The following PHOX2B variants were observed in gnomAD, a reference collection of about 807,000 sequenced individuals.
The protein encoded by PHOX2B is paired mesoderm homeobox protein 2B.
PHOX2B carries 1 observed loss-of-function variant against 15.5 expected under a neutral mutation model. The ratio of observed to expected loss-of-function variants is 0.06; its 90% confidence interval spans 0.02 to 0.31. The LOEUF (loss-of-function observed/expected upper bound fraction) is 0.31, where lower values mean the gene tolerates loss of function less well. Among genes scored for constraint, PHOX2B ranks in the 10% least tolerant of loss-of-function variants. The pLI, the probability that PHOX2B is intolerant of heterozygous loss-of-function variation, is 1.00. For missense variants in PHOX2B, 314 were observed against 436.4 expected (o/e 0.72, Z 2.50); for synonymous variants, 206 against 190.5 (o/e 1.08, Z -0.67).
chr4:41,746,401 G>T, intron 2 of PHOX2B, 79 bp from the exon 3 acceptor site: 3 of 1,436,438 alleles, frequency 2.1e-6, no homozygotes, highest in Non-Finnish European at 2.9e-6. Flanking sequence ...GGTTAGGGTG[G>T]CCCAAGTTCT....
chr4:41,746,381 G>C, intron 2 of PHOX2B, 59 bp from the exon 3 acceptor site: 1 of 1,563,580 alleles, frequency 6.4e-7, no homozygotes, highest in Non-Finnish European at 8.7e-7. Context: ...AAATGGGAAA[G>C]AAAAGCACCG....
Position 41,747,442 on chromosome 4 carries a change from C to G in PHOX2B, c.336G>C (p.Glu112Asp). Reference protein sequence around the residue: ...RTTFTSAQLKELERVFAETHY... With the variant: ...RTTFTSAQLKDLERVFAETHY... ...GAGTCTCCGCGAAGACCCTTTCCAGCTCTTTGAGCTGGGCACTGGTGAAAG... is the reference window on the plus strand; with the variant it reads ...GAGTCTCCGCGAAGACCCTTTCCAGGTCTTTGAGCTGGGCACTGGTGAAAG... Residue 112 changes from glutamate to aspartate, a missense_variant, in exon 2 of 3, where the codon GAG becomes GAC. Glu to Asp is a conservative substitution (Grantham distance 45). Around this residue, in one of 7 missense-constraint regions of PHOX2B, gnomAD observed 102 missense variants for 155.1 expected, o/e 0.66. Coordinates refer to ENST00000226382, the MANE Select transcript of PHOX2B (RefSeq NM_003924.4). 6.2e-7 allele frequency: 1 copy of G among 1,611,528 alleles called. No homozygotes were observed. The highest frequency in any genetic ancestry group is 8.5e-7 in the Non-Finnish European group (1 of 1,179,862).
In PHOX2B at chr4:41,745,485, A is replaced by G; in HGVS notation, c.*322T>C. 3.0e-6 allele frequency: 1 copy of G among 332,546 alleles called. No homozygotes were observed. The highest frequency in any genetic ancestry group is 4.7e-5 in the South Asian group (1 of 21,072). The allele number at this position is 332,546 out of a possible 1,614,324, so 20.6% of individuals were successfully genotyped here. On this transcript the variant is annotated 3_prime_UTR_variant, in exon 3 of 3. Coordinates refer to ENST00000226382, the MANE Select transcript of PHOX2B (RefSeq NM_003924.4). This position sits in a 1 kb window ranked among gnomAD's most constrained non-coding sequence, Gnocchi z 4.0. ...TGACACGCAGACACAGCCCCCTGAG[A>G]GTGCCCCGCGTCCAGGCCGCGCTGC...
In PHOX2B at chr4:41,745,774, T is replaced by TCGCCGCCGCCGC; in HGVS notation, c.*21_*32dup. The stretch of plus-strand genomic sequence containing the variant: ...CGCCCGGGCCCTGGCTCGCCCGCTG[T>TCGCCGCCGCCGC]CGCCGCCGCCGCCGCCGCCGCAGGA... On this transcript the variant is annotated 3_prime_UTR_variant, in exon 3 of 3. Coordinates refer to ENST00000226382, the MANE Select transcript of PHOX2B (RefSeq NM_003924.4). The surrounding 1 kb of genome is among the most constrained non-coding windows in gnomAD (Gnocchi z 4.0). 3.8e-6 allele frequency: 6 copies of TCGCCGCCGCCGC among 1,585,020 alleles called. No homozygotes were observed. The highest frequency in any genetic ancestry group is 4.6e-5 in the East Asian group (2 of 43,508).
chr4:41,746,287 C>T lies in PHOX2B; in HGVS notation c.465G>A (p.Lys155=), dbSNP rs758358906. 6.2e-7 allele frequency: 1 copy of T among 1,613,884 alleles called. No homozygotes were observed. The highest frequency in any genetic ancestry group is 1.1e-5 in the South Asian group (1 of 91,084). The change falls in exon 3 of 3, where the codon AAG becomes AAA. Residue 155 remains lysine (K), a synonymous_variant. Transcript: ENST00000226382. ...CTGCGGCTGCCGCTGCGCGCTCCTG[C>T]TTGCGAAACTTGGCGCGGCGGTTCT... ...WFQNRRAKFR[K]QERAAAAAAA...
chr4:41,746,813 A>G (rs1560465977), intron 2 of PHOX2B, among the ~76,000 whole-genome samples: 1 of 152,212 alleles, frequency 6.6e-6, no homozygotes, highest in Non-Finnish European at 1.5e-5. Context: ...GGGCTCACCC[A>G]GAGAGGCGCT....
chr4:41,746,509 G>A (rs1733905620), intron 2 of PHOX2B, among the ~76,000 whole-genome samples, 187 bp from the exon 3 acceptor site: 1 of 152,130 alleles, frequency 6.6e-6, no homozygotes, highest in Non-Finnish European at 1.5e-5. Context: ...TGCATTTTCG[G>A]AGAAACTTTC....
rs962054269 is a variant in PHOX2B, at chr4:41,744,799, G to T, written c.*1008C>A. On this transcript the variant is annotated 3_prime_UTR_variant, in exon 3 of 3. Transcript: ENST00000226382. The stretch of plus-strand genomic sequence containing the variant: ...AGCAGTGCCAAAAAGTTCAGTAAAA[G>T]CTGGTGGAAGAAGAAAATGCCGACG... 3 of 233,702 alleles carry T rather than the reference G, an allele frequency of 1.3e-5. No homozygotes were observed. Among genetic ancestry groups the T allele is most frequent in the Admixed American group, 5.6e-5 (1 of 17,796 alleles). The allele number at this position is 233,702 out of a possible 1,614,324, so 14.5% of individuals were successfully genotyped here.
Position 41,744,969 on chromosome 4 carries a change from T to C in PHOX2B, c.*838A>G, listed in dbSNP as rs367652707. Reference sequence around the variant, plus strand: ...GATTCGGGGTTGGGAGTTGCAACTGTGTGGGGTTCCGATGCGCTAATGGCG... The same window carrying C: ...GATTCGGGGTTGGGAGTTGCAACTGCGTGGGGTTCCGATGCGCTAATGGCG... On this transcript the variant is annotated 3_prime_UTR_variant, in exon 3 of 3. Coordinates refer to ENST00000226382, the MANE Select transcript of PHOX2B (RefSeq NM_003924.4). The C allele has an allele frequency of 2.6e-3, 608 of 233,198 alleles. 4 individuals carry two copies. The highest frequency in any genetic ancestry group is 0.012 in the African/African-American group (567 of 45,382). 14.4% of individuals were successfully genotyped at this position (233,198 alleles called of 1,614,324 possible). A position where few individuals can be genotyped will look rare whatever the true frequency, so the allele number is the denominator to read the frequency against.
intron 1 of PHOX2B, 53 bp from the exon 2 acceptor site, chr4:41,747,589 G>C: frequency 6.7e-7 from 1 of 1,494,172 alleles, no homozygotes; most frequent in Non-Finnish European, 9.2e-7. Context: ...GCAGCTCGCC[G>C]GCCGTGGAGC....
At chr4:41,747,133 G>C (rs552260034) in intron 2 of PHOX2B, among the ~76,000 whole-genome samples, 2 of 152,194 alleles carry the variant, frequency 1.3e-5, no homozygotes, top group Admixed American at 6.5e-5. Flanking sequence ...GCTCGGGTGG[G>C]AAACACTTCG....
chr4:41,747,688 A>G, intron 1 of PHOX2B, 152 bp from the exon 2 acceptor site: 2 of 733,440 alleles, frequency 2.7e-6, no homozygotes. Flanking sequence ...GCGGGAAGAA[A>G]CCGAGGAAAT....
rs1577561009 is a variant in PHOX2B, at chr4:41,748,198, A to G, written c.241+172T>C. On this transcript the variant is annotated intron_variant, in intron 1 of 2. Transcript: ENST00000226382. ...TGTGACTAGGATAGTGTAACCCTGT[A>G]AGTGAATTACCCCTCCCTGCAATCG... The G allele has an allele frequency of 1.0e-5, 7 of 703,070 alleles. No individual in the cohort carries two copies. In the East Asian group the frequency reaches 1.6e-4, roughly 16 times the overall value. The allele number at this position is 703,070 out of a possible 1,614,324, so 43.6% of individuals were successfully genotyped here.
At chr4:41,746,346 C>T in intron 2 of PHOX2B, 24 bp from the exon 3 acceptor site, 1 of 1,612,496 alleles carries the variant, frequency 6.2e-7, no homozygotes. Context: ...GAAGGAGAGA[C>T]GGTGAAGCAG....
chr4:41,747,968 A>T (rs1311313691), intron 1 of PHOX2B, among the ~76,000 whole-genome samples: 3 of 152,192 alleles, frequency 2.0e-5, no homozygotes, highest in Admixed American at 6.5e-5. Context: ...CTGCAAAAAA[A>T]TAATAATAAA....
chr4:41,745,428 A>G lies in PHOX2B; in HGVS notation c.*379T>C. 4.0e-6 allele frequency: 1 copy of G among 250,304 alleles called. No individual in the cohort carries two copies. The highest frequency in any genetic ancestry group is 7.7e-6 in the Non-Finnish European group (1 of 129,892). The allele number at this position is 250,304 out of a possible 1,614,324, so 15.5% of individuals were successfully genotyped here. A position where few individuals can be genotyped will look rare whatever the true frequency, so the allele number is the denominator to read the frequency against. The stretch of plus-strand genomic sequence containing the variant: ...TCTCTTCCTGTCACCTGCTTGGGCC[A>G]CAGACACACATTCCCCGAGACAGAC... On this transcript the variant is annotated 3_prime_UTR_variant, in exon 3 of 3. Coordinates refer to ENST00000226382, the MANE Select transcript of PHOX2B (RefSeq NM_003924.4). This position sits in a 1 kb window ranked among gnomAD's most constrained non-coding sequence, Gnocchi z 4.0.
chr4:41,748,616 AG>A lies in PHOX2B; in HGVS notation c.-7del, dbSNP rs1180196980. The stretch of plus-strand genomic sequence containing the variant: ...GAATATTCCATTTTATACATTGAAA[AG>A]GTTCTGGATGGCTCAGCCAAGTGGA... On this transcript the variant is annotated 5_prime_UTR_variant, in exon 1 of 3. Transcript: ENST00000226382. 15 of 1,613,082 alleles carry A rather than the reference AG, an allele frequency of 9.3e-6. No individual in the cohort carries two copies. Among genetic ancestry groups the A allele is most frequent in the Non-Finnish European group, 1.3e-5 (15 of 1,179,192 alleles).
At position 41,746,069 on chromosome 4, in the gene PHOX2B, C is replaced by A. The variant is rs1335294030; in HGVS notation, c.683G>T (p.Gly228Val). 1.8e-5 allele frequency: 26 copies of A among 1,414,484 alleles called. No individual in the cohort carries two copies. The Middle Eastern group carries it at 7.8e-4, about 42-fold the overall frequency. 87.6% of individuals were successfully genotyped at this position (1,414,484 alleles called of 1,614,324 possible). A position where few individuals can be genotyped will look rare whatever the true frequency, so the allele number is the denominator to read the frequency against. Reference protein sequence around the residue: ...PSPAGAPGAAGPGGPGGEPGK... With the variant: ...PSPAGAPGAAVPGGPGGEPGK... ...GGGTTCGCCTCCCGGGCCCCCGGGCCCCGCCGCCCCCGGAGCTCCAGCCGG... is the reference window on the plus strand; with the variant it reads ...GGGTTCGCCTCCCGGGCCCCCGGGCACCGCCGCCCCCGGAGCTCCAGCCGG... The change falls in exon 3 of 3, where the codon GGG becomes GTG. Residue 228 changes from glycine to valine, a missense_variant. Coordinates refer to ENST00000226382, the MANE Select transcript of PHOX2B (RefSeq NM_003924.4).
At chr4:41,747,126 C>A (rs532066364) in intron 2 of PHOX2B, among the ~76,000 whole-genome samples, 1 of 152,184 alleles carries the variant, frequency 6.6e-6, no homozygotes, top group South Asian at 2.1e-4. Context: ...TGTCTCTGCT[C>A]GGGTGGGAAA....
Sources: allele counts gnomAD v4.1 joint callset (sites outside exome capture counted in the v4.1 genomes callset), GRCh38; gene constraint gnomAD v4.1.1; regional missense constraint gnomAD v4.1.1; non-coding constraint Gnocchi (gnomAD v3.1); transcripts MANE v1.5; gene names NCBI Gene and HGNC (gene_info 2026-07-23, HGNC 2026-07-21).